The following TGFBR2 variants were observed in gnomAD, a reference collection of about 807,000 sequenced individuals.
TGFBR2 encodes the protein transforming growth factor beta receptor 2.
In TGFBR2, 18 loss-of-function variants were observed where a neutral mutation model predicts 49.0. The ratio of observed to expected loss-of-function variants is 0.37; its 90% CI spans 0.25 to 0.54. The LOEUF (loss-of-function observed/expected upper bound fraction) is 0.54. Among genes scored for constraint, TGFBR2 ranks in the 20% least tolerant of loss-of-function variants. TGFBR2 has a pLI of 0.85. For missense variants in TGFBR2, 525 were observed against 722.6 expected, an observed-to-expected ratio of 0.73 and a Z score of 3.13; for synonymous variants, 282 against 275.9, an observed-to-expected ratio of 1.02 and a Z score of -0.22.
At chr3:30,630,761 C>T (rs1698420574) in intron 1 of TGFBR2, among the ~76,000 whole-genome samples, 1 of 152,118 alleles carries the variant, frequency 6.6e-6, no homozygotes, top group Admixed American at 6.5e-5. Flanking sequence ...GGTAACCAGC[C>T]TGGATCCTTT....
chr3:30,647,031 G>C (rs1424456174), intron 2 of TGFBR2, among the ~76,000 whole-genome samples: 1 of 152,164 alleles, frequency 6.6e-6, no homozygotes, highest in Non-Finnish European at 1.5e-5. Context: ...GAAGCCAGGG[G>C]TGTTGATAAT....
rs1376487813 is a variant in TGFBR2 at position 30,692,575 on chromosome 3, T to A, written c.*976T>A. 6 of 233,090 alleles carry A rather than the reference T, an allele frequency of 2.6e-5. No individual in the cohort carries two copies. Among genetic ancestry groups the A allele is most frequent in the African/African-American group, 1.1e-4 (5 of 45,336 alleles). The allele number at this position is 233,090 out of a possible 1,614,324, so 14.4% of individuals were successfully genotyped here. A position where few individuals can be genotyped will look rare whatever the true frequency, so the allele number is the denominator to read the frequency against. ...TTTCTAAAAAGGAGCAAATTCTCACTCTAGGCTTTATCGTGTTTACTTTTT... is the reference window on the plus strand; with the variant it reads ...TTTCTAAAAAGGAGCAAATTCTCACACTAGGCTTTATCGTGTTTACTTTTT... On this transcript the variant is annotated 3_prime_UTR_variant, in exon 7 of 7. Transcript: ENST00000295754.
Position 30,663,332 on chromosome 3 carries a change from A to G in TGFBR2, c.455-8306A>G, listed in dbSNP as rs114779092. Reference sequence around the variant, plus strand: ...TTCGGAATCCAGTCAAGGACAACACATTAAAATTGATTGTTTTGCCTCTAC... The same window carrying G: ...TTCGGAATCCAGTCAAGGACAACACGTTAAAATTGATTGTTTTGCCTCTAC... On this transcript the variant is annotated intron_variant, in intron 3 of 6. Transcript: ENST00000295754. Among the ~76,000 whole-genome samples the G allele has an allele frequency of 9.2e-3, 1,396 of 152,286 alleles. 17 individuals are homozygous for G. The highest frequency in any genetic ancestry group is 0.032 in the African/African-American group (1,325 of 41,554).
intron 5 of TGFBR2, among the ~76,000 whole-genome samples, chr3:30,675,442 A>G (rs945670828): frequency 2.7e-5 from 4 of 150,244 alleles, no homozygotes; most frequent in Non-Finnish European, 5.9e-5. Flanking sequence ...GCTGGAGTGC[A>G]ATGGCGCAAT....
Position 30,672,700 on chromosome 3 carries a change from C to G in TGFBR2, c.1254+263C>G, listed in dbSNP as rs894520743. Among the ~76,000 whole-genome samples, 4 of 152,202 alleles carry G rather than the reference C, an allele frequency of 2.6e-5. No individual in the cohort carries two copies. The highest frequency in any genetic ancestry group is 5.9e-5 in the Non-Finnish European group (4 of 68,030). ...TTTCCTCCTGGATCAATCCTCATTT[C>G]TCTTCCAGCAAATGTTTTTTCTTTG... is the stretch of plus-strand genomic sequence containing the variant. On this transcript the variant is annotated intron_variant, in intron 4 of 6. Coordinates refer to ENST00000295754, the MANE Select transcript of TGFBR2 (RefSeq NM_003242.6). This position sits in a 1 kb window ranked among gnomAD's most constrained non-coding sequence, Gnocchi z 4.5.
intron 5 of TGFBR2, among the ~76,000 whole-genome samples, chr3:30,680,692 GA>G (rs1022979103): frequency 5.3e-4 from 77 of 145,918 alleles, no homozygotes; most frequent in East Asian, 9.9e-4. Flanking sequence ...GAATACAAAA[GA>G]AAAAAAAAAG....
At chr3:30,665,864 C>G (rs757949635) in intron 3 of TGFBR2, among the ~76,000 whole-genome samples, 1 of 152,034 alleles carries the variant, frequency 6.6e-6, no homozygotes, top group Non-Finnish European at 1.5e-5. Context: ...TGGAGTATTT[C>G]AAAGAAAACC....
chr3:30,658,795 G>T (rs370024716), intron 3 of TGFBR2, among the ~76,000 whole-genome samples: 3 of 152,034 alleles, frequency 2.0e-5, no homozygotes, highest in African/African-American at 4.8e-5. Flanking sequence ...TCAGACACGC[G>T]GTTTCCTGTC....
At chr3:30,635,070 T>C (rs1385213016) in intron 1 of TGFBR2, among the ~76,000 whole-genome samples, 2 of 152,216 alleles carry the variant, frequency 1.3e-5, no homozygotes, top group Non-Finnish European at 2.9e-5. Flanking sequence ...ATTTCATGTA[T>C]TGATGACAGT....
upstream of TGFBR2, chr3:30,606,374 G>T: frequency 1.3e-5 from 3 of 223,450 alleles, no homozygotes; most frequent in East Asian, 6.4e-5. Flanking sequence ...GTAAATACTT[G>T]GAGCGAGGAA....
In TGFBR2 at chr3:30,642,341, T is replaced by C. The variant is rs540079983; in HGVS notation, c.95-2406T>C. Among the ~76,000 whole-genome samples, 4 of 152,250 alleles carry C rather than the reference T, an allele frequency of 2.6e-5. No homozygotes were observed. In the East Asian group the frequency reaches 7.7e-4, roughly 29 times the overall value. On this transcript the variant is annotated intron_variant, in intron 1 of 6. Transcript: ENST00000295754. ...GGGGGGTTGCTGTTTTGTTTTCTGT[T>C]TATTGTGTTTTTTCCAACTAACTAT...
At chr3:30,670,163 C>T (rs1420518561) in intron 3 of TGFBR2, among the ~76,000 whole-genome samples, 1 of 152,030 alleles carries the variant, frequency 6.6e-6, no homozygotes, top group African/African-American at 2.4e-5. Flanking sequence ...TATTCTTTCT[C>T]CTTAACATAG....
chr3:30,665,572 A>G (rs534987835), intron 3 of TGFBR2, among the ~76,000 whole-genome samples: 1 of 152,204 alleles, frequency 6.6e-6, no homozygotes, highest in South Asian at 2.1e-4. Context: ...CTCCCTTCCC[A>G]CTCCACAGAA....
At chr3:30,659,023 A>G (rs1699059741) in intron 3 of TGFBR2, among the ~76,000 whole-genome samples, 1 of 152,178 alleles carries the variant, frequency 6.6e-6, no homozygotes, top group Non-Finnish European at 1.5e-5. Context: ...TTCAGCTCCA[A>G]CACCAGGGAG....
chr3:30,647,738 G>A (rs182956674), intron 2 of TGFBR2, among the ~76,000 whole-genome samples: 13 of 151,526 alleles, frequency 8.6e-5, no homozygotes, highest in Admixed American at 8.5e-4. Context: ...GTGCAATGGC[G>A]TGATCTGGGC....
At chr3:30,644,698 G>T (rs376259585) in intron 1 of TGFBR2, 49 bp from the exon 2 acceptor site, 1 of 1,570,554 alleles carries the variant, frequency 6.4e-7, no homozygotes, top group Non-Finnish European at 8.7e-7. Context: ...TCATTGGCAG[G>T]CTGCCTGGCA....
At chr3:30,622,860 A>G (rs975521454) in intron 1 of TGFBR2, among the ~76,000 whole-genome samples, 2 of 136,120 alleles carry the variant, frequency 1.5e-5, no homozygotes, top group Non-Finnish European at 3.1e-5. Flanking sequence ...AGCCTGGGCA[A>G]CAGAGCGAGA....
intron 3 of TGFBR2, among the ~76,000 whole-genome samples, chr3:30,654,371 G>C (rs1009072969): frequency 6.6e-6 from 1 of 152,078 alleles, no homozygotes; most frequent in Non-Finnish European, 1.5e-5. Flanking sequence ...CTTTGAACCG[G>C]GTACCTACCC....
intron 1 of TGFBR2, among the ~76,000 whole-genome samples, chr3:30,616,344 T>G (rs1381213392): frequency 1.3e-5 from 2 of 152,234 alleles, no homozygotes; most frequent in African/African-American, 4.8e-5. Flanking sequence ...TTTCCTACTT[T>G]AGAGCCCCAT....
Sources: allele counts gnomAD v4.1 joint callset (sites outside exome capture counted in the v4.1 genomes callset), GRCh38; gene constraint gnomAD v4.1.1; non-coding constraint Gnocchi (gnomAD v3.1); transcripts MANE v1.5; gene names NCBI Gene and HGNC (gene_info 2026-07-23, HGNC 2026-07-21).